Variants in CLRN2 observed in about 807,000 individuals in gnomAD.
CLRN2 encodes the protein clarin-2.
CLRN2 carries 17 observed loss-of-function variants against 20.1 expected under a neutral mutation model. The ratio of observed to expected loss-of-function variants is 0.85; its 90% confidence interval spans 0.58 to 1.27. The LOEUF (loss-of-function observed/expected upper bound fraction) is 1.27, where lower values mean the gene tolerates loss of function less well. Ranked by LOEUF, CLRN2 falls within the 50% of genes most tolerant of loss-of-function variation. The pLI is 0.00. For missense variants in CLRN2, 288 were observed against 299.5 expected, an observed-to-expected ratio of 0.96 and a Z score of 0.28; for synonymous variants, 140 against 126.9, an observed-to-expected ratio of 1.10 and a Z score of -0.70.
chr4:17,521,726 G>T (rs76924097), intron 1 of CLRN2, among the ~76,000 whole-genome samples: 1 of 152,168 alleles, frequency 6.6e-6, no homozygotes, highest in Non-Finnish European at 1.5e-5. Flanking sequence ...TTCCAGTCAG[G>T]TCTGTTTGGG....
chr4:17,515,502 G>A lies in CLRN2; in HGVS notation c.236G>A (p.Arg79His), dbSNP rs200144103. The A allele has an allele frequency of 7.4e-6, 12 of 1,613,774 alleles. No individual in the cohort carries two copies. Among genetic ancestry groups the A allele is most frequent in the East Asian group, 6.7e-5 (3 of 44,878 alleles). ...CKVRQCGLGG[R>H]QSQFTIFPHL... The stretch of plus-strand genomic sequence containing the variant: ...GTGCGGCAGTGTGGGCTTGGGGGCC[G>A]CCAATCCCAATTCACGAGTGAGTAT... Residue 79 changes from arginine to histidine, a missense_variant, in exon 1 of 3, where the codon CGC (arginine) becomes CAC (histidine). Transcript: ENST00000511148.
At chr4:17,522,489 T>TTG (rs1220386992) in intron 1 of CLRN2, among the ~76,000 whole-genome samples, 1 of 152,224 alleles carries the variant, frequency 6.6e-6, no homozygotes, top group Non-Finnish European at 1.5e-5. Flanking sequence ...TAATAAAACG[T>TTG]TGTGCAACGT....
chr4:17,519,475 C>T (rs1007360254), intron 1 of CLRN2, among the ~76,000 whole-genome samples: 1 of 152,206 alleles, frequency 6.6e-6, no homozygotes, highest in Non-Finnish European at 1.5e-5. Context: ...TAAGCTATTT[C>T]ACTTCTCCGA....
At chr4:17,519,365 A>G (rs1711780537) in intron 1 of CLRN2, among the ~76,000 whole-genome samples, 2 of 152,234 alleles carry the variant, frequency 1.3e-5, no homozygotes, top group East Asian at 1.9e-4. Flanking sequence ...CTCTATGTTT[A>G]GAATTTTAAA....
chr4:17,521,312 ACGGGACACC>A lies in CLRN2; in HGVS notation c.254-1551_254-1543del, dbSNP rs1193710492. ...GGAGTGCCTGAAAATGTGTCACCTA[ACGGGACACC>A]TAACGGGAAAAACAAAAACTCTAGT... On this transcript the variant is annotated intron_variant, in intron 1 of 2. Transcript: ENST00000511148. Among the ~76,000 whole-genome samples the A allele has an allele frequency of 4.6e-5, 7 of 152,232 alleles. No homozygotes were observed. The East Asian group carries it at 1.3e-3, about 29-fold the overall frequency.
Position 17,522,096 on chromosome 4 carries a change from G to A in CLRN2, c.254-768G>A, listed in dbSNP as rs140437502. 5.3e-5 allele frequency among the ~76,000 whole-genome samples: 8 copies of A among 152,286 alleles called. No individual in the cohort carries two copies. In the East Asian group the frequency reaches 1.3e-3, roughly 26 times the overall value. ...GCAATTAATGTCTCCAAGCCTGTGG[G>A]TATAAGGAGTTTATAAAATCTACCT... On this transcript the variant is annotated intron_variant, in intron 1 of 2. Transcript: ENST00000511148.
Position 17,527,009 on chromosome 4 carries a change from G to A in CLRN2, c.626G>A (p.Ser209Asn), listed in dbSNP as rs779689947. Residue 209 changes from serine to asparagine, a missense_variant, in exon 3 of 3, where the codon AGT becomes AAT. Ser to Asn is a conservative substitution (Grantham distance 46). Coordinates refer to ENST00000511148, the MANE Select transcript of CLRN2 (RefSeq NM_001079827.2). The stretch of plus-strand genomic sequence containing the variant: ...GCAAACTTGGTCGTGGTGGCGATCA[G>A]TCAAATTCCCCTCCCTGAGATTAAG... Reference protein sequence around the residue: ...HAANLVVVAISQIPLPEIKTK... With the variant: ...HAANLVVVAINQIPLPEIKTK... The A allele has an allele frequency of 8.1e-6, 13 of 1,613,896 alleles. No homozygotes were observed. Among genetic ancestry groups the A allele is most frequent in the South Asian group, 2.2e-5 (2 of 91,088 alleles).
At chr4:17,518,921 C>G (rs1560321654) in intron 1 of CLRN2, among the ~76,000 whole-genome samples, 1 of 152,108 alleles carries the variant, frequency 6.6e-6, no homozygotes, top group Admixed American at 6.6e-5. Context: ...TTTATTACGC[C>G]CATTTTACTG....
At chr4:17,526,740 C>T in intron 2 of CLRN2, 77 bp from the exon 3 acceptor site, 1 of 1,558,368 alleles carries the variant, frequency 6.4e-7, no homozygotes, top group Non-Finnish European at 8.8e-7. Flanking sequence ...AAGTTTGTCA[C>T]ACGTGGCACA....
intron 1 of CLRN2, among the ~76,000 whole-genome samples, chr4:17,518,110 C>G (rs1337746934): frequency 6.6e-6 from 1 of 150,840 alleles, no homozygotes; most frequent in Non-Finnish European, 1.5e-5. Flanking sequence ...TAGATGGGGA[C>G]GTAAGTGAAA....
At chr4:17,520,945 GAGA>G (rs1711825521) in intron 1 of CLRN2, among the ~76,000 whole-genome samples, 1 of 152,168 alleles carries the variant, frequency 6.6e-6, no homozygotes, top group African/African-American at 2.4e-5. Context: ...TTGAATCAGA[GAGA>G]AGGAGGTTGC....
At chr4:17,518,441 A>C (rs1417675168) in intron 1 of CLRN2, among the ~76,000 whole-genome samples, 2 of 152,220 alleles carry the variant, frequency 1.3e-5, no homozygotes, top group Non-Finnish European at 2.9e-5. Flanking sequence ...GGGATGAACA[A>C]ACCAGACAAG....
intron 1 of CLRN2, among the ~76,000 whole-genome samples, chr4:17,519,641 G>A (rs142659243): frequency 3.1e-4 from 47 of 152,246 alleles, no homozygotes; most frequent in African/African-American, 9.4e-4. Flanking sequence ...ACCATGAGTC[G>A]TGTGTAGGGT....
chr4:17,516,284 G>T (rs1260817137), intron 1 of CLRN2, among the ~76,000 whole-genome samples: 3 of 152,192 alleles, frequency 2.0e-5, no homozygotes, highest in African/African-American at 7.2e-5. Context: ...AGAGCAGTCT[G>T]CACAAACAGG....
chr4:17,517,028 G>A (rs1711696687), intron 1 of CLRN2, among the ~76,000 whole-genome samples: 1 of 152,194 alleles, frequency 6.6e-6, no homozygotes, highest in Non-Finnish European at 1.5e-5. Flanking sequence ...AGAGAGATGG[G>A]GAAGTGTGGA....
intron 1 of CLRN2, among the ~76,000 whole-genome samples, chr4:17,520,502 A>T (rs1040152795): frequency 2.6e-5 from 4 of 152,220 alleles, no homozygotes; most frequent in African/African-American, 9.6e-5. Context: ...AATTTGCTTT[A>T]GTAGATGTTG....
chr4:17,526,657 T>C (rs904662135), intron 2 of CLRN2, among the ~76,000 whole-genome samples, 160 bp from the exon 3 acceptor site: 1 of 152,256 alleles, frequency 6.6e-6, no homozygotes, highest in African/African-American at 2.4e-5. Context: ...TCCTTCATAC[T>C]GTGTGGGTTA....
chr4:17,517,411 A>G (rs1711705834), intron 1 of CLRN2, among the ~76,000 whole-genome samples: 1 of 152,124 alleles, frequency 6.6e-6, no homozygotes, highest in Non-Finnish European at 1.5e-5. Flanking sequence ...TGGTTTCTGA[A>G]CCCCAACAGG....
intron 1 of CLRN2, among the ~76,000 whole-genome samples, chr4:17,520,595 C>T (rs534895911): frequency 3.3e-5 from 5 of 152,340 alleles, no homozygotes; most frequent in African/African-American, 1.2e-4. Context: ...ATTGTCAACA[C>T]GGTGTTTTAG....
Sources: allele counts gnomAD v4.1 joint callset (sites outside exome capture counted in the v4.1 genomes callset), GRCh38; gene constraint gnomAD v4.1.1; transcripts MANE v1.5; gene names NCBI Gene and HGNC (gene_info 2026-07-23, HGNC 2026-07-21).